The following CEP350 variants were observed in gnomAD, a reference collection of about 807,000 sequenced individuals.
CEP350 encodes centrosome-associated protein 350.
A neutral mutation model predicts 331.8 loss-of-function variants in CEP350; 126 were observed. The observed-to-expected ratio is 0.38, with a 90% CI of 0.33 to 0.44. The LOEUF is 0.44. Ranked by LOEUF, CEP350 falls within the 20% of genes least tolerant of loss-of-function variation. The probability of loss-of-function intolerance (pLI) is 1.00; values close to 1 mark genes in which losing one functional copy is unlikely to be tolerated. For missense variants in CEP350, 3,406 were observed against 3,634.6 expected (o/e 0.94, Z 1.62); for synonymous variants, 1,200 against 1,259.5 (o/e 0.95, Z 1.00).
chr1:180,013,984 A>G lies in CEP350; in HGVS notation c.1531A>G (p.Asn511Asp), dbSNP rs777450320. Residue 511 changes from asparagine (N) to aspartate (D), a missense_variant, in exon 10 of 38, where the codon AAT (asparagine) becomes GAT (aspartate). Physicochemically the swap from Asn to Asp is conservative, Grantham distance 23. This residue lies in a region of CEP350 where 1,857 missense variants were observed against 1,909.2 expected (regional missense o/e 0.97). Transcript: ENST00000367607. ...IKKLASSLPD[N>D]KQEENTALNK... ...GAAACTAGCTTCATCTCTTCCAGAT[A>G]ATAAGCAGGAGGAAAATACTGCCTT... 5 of 1,613,854 alleles carry G rather than the reference A, an allele frequency of 3.1e-6. No individual in the cohort carries two copies. The highest frequency in any genetic ancestry group is 4.2e-6 in the Non-Finnish European group (5 of 1,179,790).
rs990296813 is a variant in CEP350, at chr1:180,112,134, G to A, written c.*973G>A. On this transcript the variant is annotated 3_prime_UTR_variant, in exon 38 of 38. Transcript: ENST00000367607. ...CAAAAAGATATTGTCTATTGTTTGT[G>A]TGCTTGTTTTGCGCTATGGAACATT... 1.4e-4 allele frequency: 22 copies of A among 152,606 alleles called. No individual in the cohort carries two copies. The highest frequency in any genetic ancestry group is 5.3e-4 in the African/African-American group (22 of 41,448). 9.5% of individuals were successfully genotyped at this position (152,606 alleles called of 1,614,324 possible).
At chr1:180,082,339 T>TA (rs1659623391) in intron 30 of CEP350, among the ~76,000 whole-genome samples, 1 of 152,216 alleles carries the variant, frequency 6.6e-6, no homozygotes, top group South Asian at 2.1e-4. Context: ...ATTAATGTAG[T>TA]AGAGTTATAA....
intron 1 of CEP350, among the ~76,000 whole-genome samples, chr1:179,984,152 AAT>A (rs1267809260): frequency 6.6e-6 from 1 of 152,228 alleles, no homozygotes; most frequent in African/African-American, 2.4e-5. Flanking sequence ...CATAAATACA[AAT>A]ATGTTCATTT....
Position 180,093,917 on chromosome 1 carries a change from A to G in CEP350, c.7812A>G (p.Arg2604=). The G allele has an allele frequency of 5.0e-6, 8 of 1,613,876 alleles. No individual in the cohort carries two copies. The highest frequency in any genetic ancestry group is 6.8e-6 in the Non-Finnish European group (8 of 1,179,826). Reference sequence around the variant, plus strand: ...ATGATACAGAGGGTCCAAAAGACAGAGAAAAGGATGTCAGTGAATATTTTT... The same window carrying G: ...ATGATACAGAGGGTCCAAAAGACAGGGAAAAGGATGTCAGTGAATATTTTT... ...EQNDTEGPKD[R]EKDVSEYFYE... Residue 2604 remains arginine, a synonymous_variant, in exon 34 of 38, where the codon AGA becomes AGG. Coordinates refer to ENST00000367607, the MANE Select transcript of CEP350 (RefSeq NM_014810.5).
At chr1:180,033,732 T>A (rs763955037) in intron 15 of CEP350, 130 bp from the exon 16 acceptor site, 68 of 873,604 alleles carry the variant, frequency 7.8e-5, no homozygotes, top group Non-Finnish European at 1.2e-4. Flanking sequence ...TATTAATGAA[T>A]AAATGCCTAA....
intron 14 of CEP350, among the ~76,000 whole-genome samples, chr1:180,031,049 T>C (rs1316513853): frequency 2.0e-5 from 3 of 152,052 alleles, no homozygotes; most frequent in Non-Finnish European, 2.9e-5. Context: ...TATTGTTATT[T>C]AATATATTTA....
At position 180,090,799 on chromosome 1, in the gene CEP350, A is replaced by G. The variant is rs779126276; in HGVS notation, c.6508+3A>G. The G allele has an allele frequency of 6.5e-7, 1 of 1,533,920 alleles. No homozygotes were observed. Among genetic ancestry groups the G allele is most frequent in the Non-Finnish European group, 8.8e-7 (1 of 1,137,806 alleles). ...GGAGTCTATTGCTGAACATGTTGGT[A>G]TGTAACTAGAAAAAATAATTAACTT... On this transcript the variant is annotated splice_donor_region_variant and intron_variant, in intron 33 of 37. Transcript: ENST00000367607.
At chr1:180,074,655 G>A (rs1243078772) in intron 27 of CEP350, among the ~76,000 whole-genome samples, 1 of 152,112 alleles carries the variant, frequency 6.6e-6, no homozygotes, top group Non-Finnish European at 1.5e-5. Context: ...TCTGGTCTGA[G>A]CCTTCAGAAT....
intron 11 of CEP350, among the ~76,000 whole-genome samples, chr1:180,017,694 T>G (rs188806602): frequency 0.061 from 9,297 of 152,278 alleles, 394 homozygotes; most frequent in Non-Finnish European, 0.092. Context: ...CCCATTCCCG[T>G]TAATAGTTTT....
chr1:179,957,598 G>A (rs1650263045), intron 1 of CEP350, among the ~76,000 whole-genome samples: 1 of 152,152 alleles, frequency 6.6e-6, no homozygotes, highest in African/African-American at 2.4e-5. Flanking sequence ...ATTGACTAAA[G>A]AATAGTCCCA....
At position 180,014,027 on chromosome 1, in the gene CEP350, C is replaced by G. The variant is rs1446522882; in HGVS notation, c.1574C>G (p.Pro525Arg). 1 of 1,613,216 alleles carries G rather than the reference C, an allele frequency of 6.2e-7. No homozygotes were observed. Among genetic ancestry groups the G allele is most frequent in the Admixed American group, 1.7e-5 (1 of 59,896 alleles). The stretch of plus-strand genomic sequence containing the variant: ...ACTGCCTTAAATAAGGACTTTTTAC[C>G]TATTGAAATTCGTGGCATTCTTGAT... ...ENTALNKDFL[P>R]IEIRGILDDL... The change falls in exon 10 of 38, where the codon CCT becomes CGT. Residue 525 changes from proline (P) to arginine (R), a missense_variant. Around this residue, in one of 5 missense-constraint regions of CEP350, gnomAD observed 1,857 missense variants for 1,909.2 expected, o/e 0.97. Transcript: ENST00000367607.
chr1:180,030,383 A>G (rs1247601374), intron 14 of CEP350, among the ~76,000 whole-genome samples: 1 of 149,042 alleles, frequency 6.7e-6, no homozygotes, highest in African/African-American at 2.4e-5. Context: ...TATATTTTAT[A>G]TTTAAAATTT....
In CEP350 at chr1:180,041,753, A is replaced by G; in HGVS notation, c.4313A>G (p.Gln1438Arg). Residue 1438 changes from glutamine (Q) to arginine (R), a missense_variant, in exon 19 of 38, where the codon CAG (glutamine) becomes CGG (arginine). This residue lies in a region of CEP350 where 1,857 missense variants were observed against 1,909.2 expected (regional missense o/e 0.97). Transcript: ENST00000367607. ...QEATCKIAAQ[Q>R]SETARLTTDA... ...GCAACGTGTAAAATAGCAGCTCAGC[A>G]GTCAGAAACTGCTCGCCTCACCACA... The G allele has an allele frequency of 5.0e-6, 8 of 1,613,274 alleles. No individual in the cohort carries two copies. Among genetic ancestry groups the G allele is most frequent in the Non-Finnish European group, 6.8e-6 (8 of 1,179,574 alleles).
chr1:179,980,593 T>G (rs1186775958), intron 1 of CEP350, among the ~76,000 whole-genome samples: 2 of 152,098 alleles, frequency 1.3e-5, no homozygotes, highest in Non-Finnish European at 2.9e-5. Flanking sequence ...ACAAAAGTGG[T>G]GGAAGTAGGC....
At chr1:179,995,563 C>G (rs1653404137) in intron 5 of CEP350, among the ~76,000 whole-genome samples, 1 of 152,174 alleles carries the variant, frequency 6.6e-6, no homozygotes, top group Non-Finnish European at 1.5e-5. Context: ...GAGATCGCAC[C>G]ACTGCACTCC....
Position 179,994,552 on chromosome 1 carries a change from C to T in CEP350, c.396-2001C>T, listed in dbSNP as rs539290414. Among the ~76,000 whole-genome samples the T allele has an allele frequency of 1.2e-3, 179 of 150,948 alleles. 1 individual carries two copies. Among genetic ancestry groups the T allele is most frequent in the Admixed American group, 3.8e-3 (58 of 15,142 alleles). On this transcript the variant is annotated intron_variant, in intron 5 of 37. Transcript: ENST00000367607. ...CACTACAGCCTTGATCTCCTAGGCT[C>T]AAGCCATCCTCCCACCTCAGCTTCC...
intron 3 of CEP350, among the ~76,000 whole-genome samples, chr1:179,988,614 C>T (rs975668961): frequency 6.6e-6 from 1 of 151,708 alleles, no homozygotes; most frequent in African/African-American, 2.4e-5. Context: ...CCAATCTTGT[C>T]TAAAGTTTAG....
Position 180,011,966 on chromosome 1 carries a change from T to A in CEP350, c.1284T>A (p.Asp428Glu). The A allele has an allele frequency of 6.2e-7, 1 of 1,602,456 alleles. No homozygotes were observed. The highest frequency in any genetic ancestry group is 2.2e-5 in the East Asian group (1 of 44,618). Residue 428 changes from aspartate to glutamate, a missense_variant, in exon 9 of 38, where the codon GAT (aspartate) becomes GAA (glutamate). This residue lies in a region of CEP350 where 1,857 missense variants were observed against 1,909.2 expected (regional missense o/e 0.97). Coordinates refer to ENST00000367607, the MANE Select transcript of CEP350 (RefSeq NM_014810.5). Reference sequence around the variant, plus strand: ...TTATAAGTACATCTTCTTGGCGAGATGGACAAAAATTAGTAAAGAAGATTC... The same window carrying A: ...TTATAAGTACATCTTCTTGGCGAGAAGGACAAAAATTAGTAAAGAAGATTC... ...SHLISTSSWR[D>E]GQKLVKKILG...
intron 12 of CEP350, among the ~76,000 whole-genome samples, chr1:180,021,654 C>CA (rs1002555510): frequency 3.3e-4 from 42 of 128,622 alleles, no homozygotes; most frequent in East Asian, 6.5e-4. Context: ...CGAGACTCCT[C>CA]AAAAAAAAAA....
Sources: gnomAD v4.1 joint callset for allele counts (sites outside exome capture counted in the v4.1 genomes callset) on GRCh38, gnomAD v4.1.1 for gene constraint, gnomAD v4.1.1 regional missense constraint, MANE v1.5 for transcripts, NCBI Gene and HGNC (gene_info 2026-07-23, HGNC 2026-07-21) for gene names.